Variants in MME observed in about 807,000 individuals in gnomAD.
MME encodes membrane metalloendopeptidase.
In MME, 98 loss-of-function variants were observed where a neutral mutation model predicts 113.2. The observed-to-expected ratio is 0.87, with a 90% CI of 0.74 to 1.02. The LOEUF is 1.02. Ranked by LOEUF, MME falls within the 50% of genes least tolerant of loss-of-function variation. The probability of loss-of-function intolerance (pLI) is 0.00; values close to 1 mark genes in which losing one functional copy is unlikely to be tolerated. For missense variants in MME, 836 were observed against 896.0 expected, an observed-to-expected ratio of 0.93 and a Z score of 0.86; for synonymous variants, 292 against 300.6, an observed-to-expected ratio of 0.97 and a Z score of 0.30.
chr3:155,084,191 G>A lies in MME; in HGVS notation c.24G>A (p.Met8Ile). The A allele has an allele frequency of 6.2e-7, 1 of 1,613,994 alleles. No homozygotes were observed. The highest frequency in any genetic ancestry group is 8.5e-7 in the Non-Finnish European group (1 of 1,179,944). The part of the protein sequence containing the change: MGKSESQ[M>I]DITDINTPKP... ...TGATGGGCAAGTCAGAAAGTCAGATGGATATAACTGATATCAACACTCCAA... is the reference window on the plus strand; with the variant it reads ...TGATGGGCAAGTCAGAAAGTCAGATAGATATAACTGATATCAACACTCCAA... Residue 8 changes from methionine (M) to isoleucine (I), a missense_variant, in exon 2 of 23, where the codon ATG (methionine) becomes ATA (isoleucine). Physicochemically the swap from Met to Ile is conservative, Grantham distance 10. Coordinates refer to ENST00000360490, the MANE Select transcript of MME (RefSeq NM_007289.4).
At chr3:155,125,911 T>C (rs1339143235) in intron 8 of MME, among the ~76,000 whole-genome samples, 1 of 152,234 alleles carries the variant, frequency 6.6e-6, no homozygotes, top group Non-Finnish European at 1.5e-5. Context: ...ATGATCCTAA[T>C]GGCTCACAGT....
upstream of MME, among the ~76,000 whole-genome samples, chr3:155,075,115 G>T (rs1714703477): frequency 6.7e-6 from 1 of 150,254 alleles, no homozygotes; most frequent in Non-Finnish European, 1.5e-5. Context: ...ATTTTTTGTA[G>T]TATTTACTTA....
At chr3:155,099,960 C>G (rs1717062177) in intron 3 of MME, among the ~76,000 whole-genome samples, 1 of 151,996 alleles carries the variant, frequency 6.6e-6, no homozygotes, top group South Asian at 2.1e-4. Flanking sequence ...TCAAGAAAAC[C>G]GAGGCAATAC....
At chr3:155,097,763 A>G (rs1716862274) in intron 3 of MME, among the ~76,000 whole-genome samples, 1 of 152,208 alleles carries the variant, frequency 6.6e-6, no homozygotes, top group Admixed American at 6.5e-5. Context: ...GTAACAAACA[A>G]AAATCTCCGC....
At chr3:155,151,573 T>A (rs147964199) in intron 16 of MME, among the ~76,000 whole-genome samples, 1 of 152,302 alleles carries the variant, frequency 6.6e-6, no homozygotes, top group East Asian at 1.9e-4. Context: ...ATGAAACATC[T>A]CCATGTAGAT....
chr3:155,039,493 T>A (rs1210522139), intron 1 of MME, among the ~76,000 whole-genome samples: 1 of 152,208 alleles, frequency 6.6e-6, no homozygotes, highest in African/African-American at 2.4e-5. Context: ...ATAAGTACCC[T>A]TCATTTTCTA....
At chr3:155,033,071 T>A (rs1165545457) in intron 1 of MME, among the ~76,000 whole-genome samples, 1 of 152,174 alleles carries the variant, frequency 6.6e-6, no homozygotes, top group Non-Finnish European at 1.5e-5. Context: ...AAGGAGAAAG[T>A]TAATCTATAA....
chr3:155,163,938 T>G (rs569295085), intron 17 of MME, among the ~76,000 whole-genome samples: 1 of 151,672 alleles, frequency 6.6e-6, no homozygotes, highest in Non-Finnish European at 1.5e-5. Context: ...AGCTCAGGAG[T>G]TGATACCAGC....
chr3:155,036,264 A>G (rs758061003), intron 1 of MME, among the ~76,000 whole-genome samples: 15 of 152,216 alleles, frequency 9.9e-5, no homozygotes, highest in Non-Finnish European at 1.3e-4. Context: ...TTTTAAATCA[A>G]CTTCGTTAGA....
intron 8 of MME, among the ~76,000 whole-genome samples, chr3:155,127,689 A>G (rs1426360213): frequency 6.6e-6 from 1 of 152,264 alleles, no homozygotes; most frequent in African/African-American, 2.4e-5. Flanking sequence ...ATCAAATAAC[A>G]CAGTGGTGAT....
chr3:155,042,794 T>C (rs1467521569), intron 1 of MME, among the ~76,000 whole-genome samples: 3 of 150,596 alleles, frequency 2.0e-5, no homozygotes, highest in Non-Finnish European at 4.4e-5. Flanking sequence ...ACATTTCTTT[T>C]TCTGTCAAGT....
chr3:155,163,561 C>T (rs1722867044), intron 17 of MME, among the ~76,000 whole-genome samples: 1 of 152,182 alleles, frequency 6.6e-6, no homozygotes, highest in African/African-American at 2.4e-5. Context: ...ATATGGTTCT[C>T]TGTAAGTTCT....
chr3:155,025,180 G>A (rs940999247), intron 1 of MME, among the ~76,000 whole-genome samples: 1 of 152,176 alleles, frequency 6.6e-6, no homozygotes, highest in African/African-American at 2.4e-5. Flanking sequence ...ACACCACCCA[G>A]GGTGCAGCCC....
chr3:155,074,152 T>C (rs1714669447), intron 1 of MME, among the ~76,000 whole-genome samples: 1 of 152,044 alleles, frequency 6.6e-6, no homozygotes, highest in Non-Finnish European at 1.5e-5. Flanking sequence ...AAGAAAACTA[T>C]CTCTGGTCAT....
At chr3:155,065,769 C>G (rs914685827) in intron 1 of MME, among the ~76,000 whole-genome samples, 29 of 152,162 alleles carry the variant, frequency 1.9e-4, no homozygotes, top group African/African-American at 6.8e-4. Flanking sequence ...CCAGAGCAGG[C>G]TGAGCTGAGG....
chr3:155,141,358 C>T (rs1721074528), intron 10 of MME, among the ~76,000 whole-genome samples: 1 of 152,152 alleles, frequency 6.6e-6, no homozygotes, highest in East Asian at 1.9e-4. Flanking sequence ...GTGTAAAATA[C>T]AACCTAAGAT....
At position 155,057,516 on chromosome 3, in the gene MME, A is replaced by G. The variant is rs182269019; in HGVS notation, c.-10-26642A>G. On this transcript the variant is annotated intron_variant, in intron 1 of 22. Coordinates refer to the MME transcript ENST00000492661. Reference sequence around the variant, plus strand: ...GATCTCTAAACAGTTTTAAAGATCAATTGGTTTAGATGATTGTCATCATTT... The same window carrying G: ...GATCTCTAAACAGTTTTAAAGATCAGTTGGTTTAGATGATTGTCATCATTT... Among the ~76,000 whole-genome samples the G allele has an allele frequency of 3.9e-4, 59 of 151,964 alleles. No individual in the cohort carries two copies. In the East Asian group the frequency reaches 0.01, roughly 26 times the overall value.
intron 3 of MME, among the ~76,000 whole-genome samples, chr3:155,098,430 C>T (rs191046369): frequency 3.9e-5 from 6 of 152,112 alleles, no homozygotes; most frequent in Admixed American, 2.0e-4. Flanking sequence ...GTGGTGCCCG[C>T]CTGTAGTCCC....
chr3:155,083,788 A>T (rs1306421990), intron 1 of MME: 2 of 254,236 alleles, frequency 7.9e-6, no homozygotes, highest in African/African-American at 4.6e-5. Flanking sequence ...CCAGAGTTCA[A>T]AAGGGTGAGT....
Sources: gnomAD v4.1 joint callset for allele counts (sites outside exome capture counted in the v4.1 genomes callset) on GRCh38, gnomAD v4.1.1 for gene constraint, MANE v1.5 for transcripts, NCBI Gene and HGNC (gene_info 2026-07-23, HGNC 2026-07-21) for gene names.